SPTBN1: variants seen among roughly 807,000 people sequenced by gnomAD.
The protein encoded by SPTBN1 is spectrin beta, non-erythrocytic 1.
In SPTBN1, 32 loss-of-function variants were observed where a neutral mutation model predicts 266.4. The ratio of observed to expected loss-of-function variants is 0.12; its 90% CI spans 0.09 to 0.16. The LOEUF (loss-of-function observed/expected upper bound fraction) is 0.16. Among genes scored for constraint, SPTBN1 ranks in the 10% least tolerant of loss-of-function variants. The pLI is 1.00. For synonymous variants in SPTBN1, 1,336 were observed against 1,162.2 expected, an observed-to-expected ratio of 1.15 and a Z score of -3.04; for missense variants, 2,296 against 3,067.1, an observed-to-expected ratio of 0.75 and a Z score of 5.94.
chr2:54,628,482 G>A lies in SPTBN1; in HGVS notation c.1798+232G>A, dbSNP rs1276145227. 6.6e-6 allele frequency among the ~76,000 whole-genome samples: 1 copy of A among 152,112 alleles called. No homozygotes were observed. The highest frequency in any genetic ancestry group is 2.4e-5 in the African/African-American group (1 of 41,406). ...TGCTGCCTTTGCTTTGAGTGGCTTGGTGTTTGGCAGTGAGACTTTGTCATA... is the reference window on the plus strand; with the variant it reads ...TGCTGCCTTTGCTTTGAGTGGCTTGATGTTTGGCAGTGAGACTTTGTCATA... On this transcript the variant is annotated intron_variant, in intron 13 of 35. Coordinates refer to ENST00000356805, the MANE Select transcript of SPTBN1 (RefSeq NM_003128.3). This position sits in a 1 kb window ranked among gnomAD's most constrained non-coding sequence, Gnocchi z 4.3.
At chr2:54,458,569 C>T (rs1693194083) in intron 1 of SPTBN1, among the ~76,000 whole-genome samples, 1 of 152,176 alleles carries the variant, frequency 6.6e-6, no homozygotes, top group Non-Finnish European at 1.5e-5. Flanking sequence ...TTTTTCACAG[C>T]TGTGACTGGG....
chr2:54,587,193 C>T (rs568441626), intron 2 of SPTBN1, among the ~76,000 whole-genome samples: 2 of 152,184 alleles, frequency 1.3e-5, no homozygotes, highest in African/African-American at 4.8e-5. Context: ...CAACAAAAGC[C>T]TACCTTTAGC....
At chr2:54,623,762 A>G (rs1197252249) in intron 10 of SPTBN1, among the ~76,000 whole-genome samples, 166 bp downstream of exon 10, 2 of 152,176 alleles carry the variant, frequency 1.3e-5, no homozygotes, top group African/African-American at 4.8e-5. Context: ...CCAAGCAAGC[A>G]ATGGTACCGG....
rs1483656758 is a variant in SPTBN1, at chr2:54,669,315, G to A, written c.*746G>A. ...AGTACAAAGTATAATAAAACTAGAT[G>A]TATAATAAACCCTTTAAATCATTGG... On this transcript the variant is annotated 3_prime_UTR_variant, in exon 36 of 36. Transcript: ENST00000356805. The A allele has an allele frequency of 6.6e-6, 1 of 151,674 alleles. No homozygotes were observed. Among genetic ancestry groups the A allele is most frequent in the Non-Finnish European group, 1.5e-5 (1 of 67,958 alleles). The allele number at this position is 151,674 out of a possible 1,614,324, so 9.4% of individuals were successfully genotyped here.
intron 3 of SPTBN1, 110 bp downstream of exon 3, chr2:54,599,353 G>A (rs1038228089): frequency 1.9e-5 from 26 of 1,343,332 alleles, no homozygotes; most frequent in Non-Finnish European, 2.7e-5. Context: ...TGATAGTTTT[G>A]AGGAGAATCT....
At chr2:54,517,564 A>G (rs1670178853) in intron 1 of SPTBN1, among the ~76,000 whole-genome samples, 1 of 152,144 alleles carries the variant, frequency 6.6e-6, no homozygotes. Context: ...ATAATTATTA[A>G]TAGGTCTCAG....
chr2:54,457,741 G>C (rs1388143491), intron 1 of SPTBN1, among the ~76,000 whole-genome samples: 1 of 152,268 alleles, frequency 6.6e-6, no homozygotes, highest in Non-Finnish European at 1.5e-5. Context: ...GAGGCCTGGA[G>C]CTGCTGCTAC....
At chr2:54,508,835 C>T (rs755246532) in intron 1 of SPTBN1, among the ~76,000 whole-genome samples, 22 of 152,170 alleles carry the variant, frequency 1.4e-4, no homozygotes, top group Non-Finnish European at 2.8e-4. Flanking sequence ...TGAATGACTC[C>T]GGCTTTCTTT....
chr2:54,539,731 G>A (rs142286159), intron 2 of SPTBN1, among the ~76,000 whole-genome samples: 4 of 152,158 alleles, frequency 2.6e-5, no homozygotes, highest in Non-Finnish European at 4.4e-5. Flanking sequence ...TGGTGGAGAC[G>A]AATTTTGGCC....
intron 1 of SPTBN1, among the ~76,000 whole-genome samples, chr2:54,458,007 G>A (rs1481061294): frequency 1.3e-5 from 2 of 152,250 alleles, no homozygotes; most frequent in African/African-American, 4.8e-5. Flanking sequence ...GTGGTGTGCG[G>A]AGGCAATGTT....
At chr2:54,667,485 G>A (rs1681441306) in intron 34 of SPTBN1, 119 bp from the exon 35 acceptor site, 3 of 916,190 alleles carry the variant, frequency 3.3e-6, no homozygotes, top group Non-Finnish European at 5.1e-6. Context: ...ACATATGTAG[G>A]TTGACGCTTC....
chr2:54,623,518 C>T lies in SPTBN1; in HGVS notation c.1104C>T (p.Thr368=). The change falls in exon 10 of 36, where the codon ACC becomes ACT. Residue 368 remains threonine (T), a synonymous_variant. Coordinates refer to ENST00000356805, the MANE Select transcript of SPTBN1 (RefSeq NM_003128.3). ...GGAACTTGGAAGTGCTGCTCTTCACCATTCAGAGCAAGATGAGGGCCAACA... is the reference window on the plus strand; with the variant it reads ...GGAACTTGGAAGTGCTGCTCTTCACTATTCAGAGCAAGATGAGGGCCAACA... ...EKGNLEVLLF[T]IQSKMRANNQ... 6.2e-7 allele frequency: 1 copy of T among 1,614,134 alleles called. No individual in the cohort carries two copies. Among genetic ancestry groups the T allele is most frequent in the East Asian group, 2.2e-5 (1 of 44,888 alleles).
intron 2 of SPTBN1, among the ~76,000 whole-genome samples, chr2:54,562,694 C>CTTTGTGTG (rs1553447719): frequency 1.5e-4 from 10 of 65,802 alleles, no homozygotes; most frequent in African/African-American, 1.0e-3. Context: ...CCAAACCCTG[C>CTTTGTGTG]TTTGTGTGTG....
chr2:54,552,175 G>A (rs1183249904), intron 2 of SPTBN1, among the ~76,000 whole-genome samples: 1 of 152,216 alleles, frequency 6.6e-6, no homozygotes, highest in Non-Finnish European at 1.5e-5. Flanking sequence ...ACATCGTGCA[G>A]CTGATAGCTT....
chr2:54,611,644 A>G (rs1340632171), intron 3 of SPTBN1, among the ~76,000 whole-genome samples: 3 of 151,922 alleles, frequency 2.0e-5, no homozygotes, highest in African/African-American at 4.8e-5. Flanking sequence ...ATACTTCTTT[A>G]CTTAACCTTC....
At chr2:54,503,069 G>A (rs569806480) in intron 1 of SPTBN1, among the ~76,000 whole-genome samples, 1 of 152,294 alleles carries the variant, frequency 6.6e-6, no homozygotes, top group East Asian at 1.9e-4. Flanking sequence ...TACATTCTTA[G>A]CCTTCAGTTT....
chr2:54,511,948 A>G (rs1023308879), intron 1 of SPTBN1, among the ~76,000 whole-genome samples: 2 of 152,158 alleles, frequency 1.3e-5, no homozygotes, highest in African/African-American at 4.8e-5. Context: ...TTTTCCTCCA[A>G]TTAGATGGTC....
At chr2:54,501,760 G>A (rs576135456) in intron 1 of SPTBN1, among the ~76,000 whole-genome samples, 30 of 152,304 alleles carry the variant, frequency 2.0e-4, no homozygotes, top group African/African-American at 6.0e-4. Context: ...GCACTGCACC[G>A]GAGAGTTACC....
At chr2:54,487,983 C>T (rs145096794) in intron 1 of SPTBN1, among the ~76,000 whole-genome samples, 5,116 of 151,908 alleles carry the variant, frequency 0.034, 242 homozygotes, top group African/African-American at 0.096. Context: ...GCGCCTGCCA[C>T]CACACCCGGC....
Sources: allele counts gnomAD v4.1 joint callset (sites outside exome capture counted in the v4.1 genomes callset), GRCh38; gene constraint gnomAD v4.1.1; non-coding constraint Gnocchi (gnomAD v3.1); transcripts MANE v1.5; gene names NCBI Gene and HGNC (gene_info 2026-07-23, HGNC 2026-07-21).